ANKRD13C: variants seen among roughly 807,000 people sequenced by gnomAD.
ANKRD13C encodes the protein ankyrin repeat domain 13C, also known as ankyrin repeat domain-containing protein 13C.
A neutral mutation model predicts 65.5 loss-of-function variants in ANKRD13C; 16 were observed. The observed-to-expected ratio is 0.24, with a 90% confidence interval of 0.17 to 0.37. ANKRD13C has a LOEUF of 0.37. ANKRD13C is among the 10% of genes least tolerant of loss of function. The pLI, the probability that ANKRD13C is intolerant of heterozygous loss-of-function variation, is 1.00. For missense variants in ANKRD13C, 503 were observed against 655.9 expected (o/e 0.77, Z 2.55); for synonymous variants, 235 against 238.7 (o/e 0.98, Z 0.14).
chr1:70,335,487 T>C lies in ANKRD13C; in HGVS notation c.472+571A>G, dbSNP rs1558309148. ...TACTCAAAGCATTGCTATTCAGCTA[T>C]CTAAAATCCTCACTTTCCAGAATAA... On this transcript the variant is annotated intron_variant, in intron 2 of 12. Coordinates refer to ENST00000370944, the MANE Select transcript of ANKRD13C (RefSeq NM_030816.5). Among the ~76,000 whole-genome samples, 4 of 151,836 alleles carry C rather than the reference T, an allele frequency of 2.6e-5. 1 individual carries two copies. The highest frequency in any genetic ancestry group is 1.3e-4 in the Admixed American group (2 of 15,230).
At chr1:70,275,229 C>T (rs1679077238) in intron 10 of ANKRD13C, among the ~76,000 whole-genome samples, 1 of 152,136 alleles carries the variant, frequency 6.6e-6, no homozygotes, top group Non-Finnish European at 1.5e-5. Flanking sequence ...ATAAGGAATT[C>T]TATATTAACT....
intron 8 of ANKRD13C, among the ~76,000 whole-genome samples, chr1:70,293,848 A>T (rs891213843): frequency 5.3e-5 from 8 of 152,238 alleles, no homozygotes. Context: ...GTAAATTATC[A>T]TATCAACAAA....
At chr1:70,337,293 T>A (rs1427087430) in intron 1 of ANKRD13C, among the ~76,000 whole-genome samples, 3 of 152,040 alleles carry the variant, frequency 2.0e-5, no homozygotes, top group Non-Finnish European at 4.4e-5. Context: ...ACTAAAGTCA[T>A]CTCCATGGCC....
chr1:70,336,586 CAG>C (rs1422403517), intron 1 of ANKRD13C, among the ~76,000 whole-genome samples: 2 of 152,084 alleles, frequency 1.3e-5, no homozygotes, highest in African/African-American at 2.4e-5. Flanking sequence ...CATAACTTTG[CAG>C]AGAGTTAAAT....
At chr1:70,296,975 A>C (rs1171947283) in intron 7 of ANKRD13C, among the ~76,000 whole-genome samples, 2 of 152,150 alleles carry the variant, frequency 1.3e-5, no homozygotes, top group Admixed American at 6.5e-5. Flanking sequence ...TTTTTATATG[A>C]GAAAAAAGGA....
chr1:70,337,413 CT>C (rs1682090730), intron 1 of ANKRD13C, among the ~76,000 whole-genome samples: 1 of 151,950 alleles, frequency 6.6e-6, no homozygotes, highest in Non-Finnish European at 1.5e-5. Flanking sequence ...AACCCCATCT[CT>C]ACTAAAAATA....
rs199841601 is a variant in ANKRD13C at position 70,272,587 on chromosome 1, CT to C, written c.1395-1632del. On this transcript the variant is annotated intron_variant, in intron 11 of 12. Coordinates refer to ENST00000370944, the MANE Select transcript of ANKRD13C (RefSeq NM_030816.5). ...CACATTTTATAAATTCTAAGATATT[CT>C]TTTTTTTTTTCATGTAACATATCTG... Among the ~76,000 whole-genome samples the C allele has an allele frequency of 3.3e-3, 484 of 146,900 alleles. 1 individual carries two copies. Among genetic ancestry groups the C allele is most frequent in the Non-Finnish European group, 4.8e-3 (319 of 66,308 alleles).
At chr1:70,276,662 T>C in intron 10 of ANKRD13C, 103 bp downstream of exon 10, 1 of 962,796 alleles carries the variant, frequency 1.0e-6, no homozygotes, top group Non-Finnish European at 1.5e-6. Context: ...AATATACCAA[T>C]AATTCTCTCC....
At chr1:70,345,293 G>A (rs1168955542) in intron 1 of ANKRD13C, among the ~76,000 whole-genome samples, 1 of 152,032 alleles carries the variant, frequency 6.6e-6, no homozygotes, top group Non-Finnish European at 1.5e-5. Flanking sequence ...GCCGGGCGTG[G>A]TGGTACATGC....
At chr1:70,306,086 C>G (rs1441884608) in intron 6 of ANKRD13C, 138 bp downstream of exon 6, 3 of 480,046 alleles carry the variant, frequency 6.2e-6, no homozygotes, top group Non-Finnish European at 1.1e-5. Flanking sequence ...TCTATTATGT[C>G]TCGAATGAGA....
chr1:70,296,348 G>A, intron 7 of ANKRD13C, 87 bp from the exon 8 acceptor site: 2 of 1,318,384 alleles, frequency 1.5e-6, no homozygotes, highest in African/African-American at 3.0e-5. Flanking sequence ...CAATTATAAT[G>A]GTACCAATTT....
At chr1:70,307,661 T>C (rs949260948) in intron 5 of ANKRD13C, among the ~76,000 whole-genome samples, 1 of 152,088 alleles carries the variant, frequency 6.6e-6, no homozygotes, top group African/African-American at 2.4e-5. Flanking sequence ...AAGCTTTTCC[T>C]TTCTCAGCTG....
intron 11 of ANKRD13C, among the ~76,000 whole-genome samples, chr1:70,272,257 CT>C (rs1678920478): frequency 6.7e-6 from 1 of 149,386 alleles, no homozygotes; most frequent in African/African-American, 2.5e-5. Flanking sequence ...TGGAGTTTCG[CT>C]CTTGTTGCCC....
In ANKRD13C at chr1:70,260,203, A is replaced by G. The variant is rs1678341509; in HGVS notation, c.*2514T>C. Among the ~76,000 whole-genome samples, 1 of 152,122 alleles carries G rather than the reference A, an allele frequency of 6.6e-6. No individual in the cohort carries two copies. Among genetic ancestry groups the G allele is most frequent in the African/African-American group, 2.4e-5 (1 of 41,442 alleles). On this transcript the variant is annotated 3_prime_UTR_variant, in exon 13 of 13. Coordinates refer to ENST00000370944, the MANE Select transcript of ANKRD13C (RefSeq NM_030816.5). ...ATCTGTACTTCTTATACTCACAAAAATCAGGGCATCTACTTCATACTACCC... is the reference window on the plus strand; with the variant it reads ...ATCTGTACTTCTTATACTCACAAAAGTCAGGGCATCTACTTCATACTACCC...
intron 5 of ANKRD13C, among the ~76,000 whole-genome samples, chr1:70,308,655 C>T (rs975369629): frequency 6.7e-6 from 1 of 148,650 alleles, no homozygotes; most frequent in African/African-American, 2.5e-5. Context: ...AGGAGAATGG[C>T]GTGAACCCAG....
chr1:70,277,711 A>T (rs944700227), intron 9 of ANKRD13C, among the ~76,000 whole-genome samples: 1 of 152,176 alleles, frequency 6.6e-6, no homozygotes, highest in Non-Finnish European at 1.5e-5. Context: ...AATTAAAGGT[A>T]AAAAACACAA....
At chr1:70,320,633 C>T (rs1681265220) in intron 3 of ANKRD13C, among the ~76,000 whole-genome samples, 1 of 151,666 alleles carries the variant, frequency 6.6e-6, no homozygotes, top group African/African-American at 2.4e-5. Flanking sequence ...CCACACCTGA[C>T]CCAACAGTGG....
intron 2 of ANKRD13C, among the ~76,000 whole-genome samples, chr1:70,328,405 A>G (rs1281104470): frequency 2.0e-5 from 3 of 152,014 alleles, no homozygotes; most frequent in African/African-American, 4.8e-5. Flanking sequence ...GCTCACACCT[A>G]TAATCTCAGG....
At chr1:70,319,829 C>G (rs1439007160) in intron 3 of ANKRD13C, among the ~76,000 whole-genome samples, 1 of 152,084 alleles carries the variant, frequency 6.6e-6, no homozygotes, top group Non-Finnish European at 1.5e-5. Flanking sequence ...TTTGTAAATA[C>G]TTCAGAATGC....
Sources: gnomAD v4.1 joint callset for allele counts (sites outside exome capture counted in the v4.1 genomes callset) on GRCh38, gnomAD v4.1.1 for gene constraint, MANE v1.5 for transcripts, NCBI Gene and HGNC (gene_info 2026-07-23, HGNC 2026-07-21) for gene names.